Variants in DCLRE1A observed in about 807,000 individuals in gnomAD.
DCLRE1A encodes DNA cross-link repair 1A protein.
In DCLRE1A, 64 loss-of-function variants were observed where a neutral mutation model predicts 91.9. The ratio of observed to expected loss-of-function variants is 0.70; its 90% CI spans 0.57 to 0.86. DCLRE1A has a LOEUF of 0.86. DCLRE1A is among the 40% of genes least tolerant of loss of function. The probability of loss-of-function intolerance (pLI) is 0.00; values close to 1 mark genes in which losing one functional copy is unlikely to be tolerated. For missense variants in DCLRE1A, 1,145 were observed against 1,213.3 expected (o/e 0.94, Z 0.84); for synonymous variants, 416 against 431.1 (o/e 0.96, Z 0.43).
Position 113,849,015 on chromosome 10 carries a change from C to T in DCLRE1A, c.2090G>A (p.Arg697Lys), listed in dbSNP as rs1337260673. ...CTTATAGAATGGACATGTCTTTTTT[C>T]TTGATCCTCCTACATTAGATGACTC... is the stretch of plus-strand genomic sequence containing the variant. ...IPESSNVGGSRKKTCPFYKKI... is the reference protein window; with the variant it reads ...IPESSNVGGSKKKTCPFYKKI... Residue 697 changes from arginine to lysine, a missense_variant, in exon 2 of 9, where the codon AGA becomes AAA. Coordinates refer to ENST00000361384, the MANE Select transcript of DCLRE1A (RefSeq NM_014881.5). 1 of 1,610,428 alleles carries T rather than the reference C, an allele frequency of 6.2e-7. No individual in the cohort carries two copies. The highest frequency in any genetic ancestry group is 1.7e-5 in the Admixed American group (1 of 58,940).
Position 113,850,201 on chromosome 10 carries a change from G to A in DCLRE1A, c.904C>T (p.Pro302Ser). ...TGAGTGTCTTCATCACTTTGAAGTGGAGAATAGGAGATTTCACAGTCACTG... is the reference window on the plus strand; with the variant it reads ...TGAGTGTCTTCATCACTTTGAAGTGAAGAATAGGAGATTTCACAGTCACTG... ...DFSDCEISYS[P>S]LQSDEDTHDI... is the part of the protein sequence containing the mutation. The change falls in exon 2 of 9, where the codon CCA becomes TCA. Residue 302 changes from proline to serine, a missense_variant. Transcript: ENST00000361384. 6.2e-7 allele frequency: 1 copy of A among 1,614,140 alleles called. No homozygotes were observed. Among genetic ancestry groups the A allele is most frequent in the Non-Finnish European group, 8.5e-7 (1 of 1,180,020 alleles).
intron 4 of DCLRE1A, 61 bp downstream of exon 4, chr10:113,845,624 C>T: frequency 8.1e-7 from 1 of 1,230,484 alleles, no homozygotes; most frequent in Admixed American, 1.8e-5. Context: ...ATTAATCATG[C>T]CAATGTGTTG....
Position 113,852,914 on chromosome 10 carries a change from T to G in DCLRE1A, c.269A>C (p.Gln90Pro). 3 of 1,614,136 alleles carry G rather than the reference T, an allele frequency of 1.9e-6. No homozygotes were observed. Among genetic ancestry groups the G allele is most frequent in the Non-Finnish European group, 2.5e-6 (3 of 1,180,026 alleles). Residue 90 changes from glutamine to proline, a missense_variant, in exon 1 of 9, where the codon CAG becomes CCG. Coordinates refer to ENST00000361384, the MANE Select transcript of DCLRE1A (RefSeq NM_014881.5). ...TGGAGTAGTTTCCTTGTCTTGGGTC[T>G]GCTGAATACCATCTCCACAACTTGA... ...QNSSCGDGIQ[Q>P]TQDKETTPGK...
At chr10:113,841,686 C>T (rs1845448035) in intron 6 of DCLRE1A, 126 bp from the exon 7 acceptor site, 2 of 922,094 alleles carry the variant, frequency 2.2e-6, no homozygotes, top group Non-Finnish European at 1.6e-6. Context: ...ACACTTTTAC[C>T]ATGATATCTC....
At chr10:113,839,935 T>C (rs1845420137) in intron 7 of DCLRE1A, among the ~76,000 whole-genome samples, 1 of 152,110 alleles carries the variant, frequency 6.6e-6, no homozygotes, top group Non-Finnish European at 1.5e-5. Context: ...GACACTAGCC[T>C]CAAAAAATCA....
intron 8 of DCLRE1A, among the ~76,000 whole-genome samples, chr10:113,836,531 C>T (rs960212464): frequency 5.9e-5 from 9 of 151,868 alleles, no homozygotes; most frequent in African/African-American, 2.2e-4. Context: ...GATCAAGTAC[C>T]ACAGAGAAAG....
rs772891563 is a variant in DCLRE1A, at chr10:113,844,185, G to A, written c.2438C>T (p.Thr813Met). Residue 813 changes from threonine (T) to methionine (M), a missense_variant, in exon 5 of 9, where the codon ACG becomes ATG. Thr to Met is a moderately conservative substitution (Grantham distance 81). Transcript: ENST00000361384. ...YLPNGTVILH[T>M]GDFRADPSME... ...GCTGGGATCTGCTCTGAAGTCTCCC[G>A]TGTGTAATATGACAGTACCATTAGG... 25 of 1,614,038 alleles carry A rather than the reference G, an allele frequency of 1.5e-5. No homozygotes were observed. Among genetic ancestry groups the A allele is most frequent in the African/African-American group, 2.7e-5 (2 of 74,926 alleles).
In DCLRE1A at chr10:113,847,458, CTT is replaced by C. The variant is rs911805852; in HGVS notation, c.2126-125_2126-124del. The C allele has an allele frequency of 4.5e-6, 5 of 1,102,906 alleles. No homozygotes were observed. In the East Asian group the frequency reaches 1.1e-4, roughly 24 times the overall value. 68.3% of individuals were successfully genotyped at this position (1,102,906 alleles called of 1,614,324 possible). On this transcript the variant is annotated intron_variant, in intron 2 of 8. Transcript: ENST00000361384. ...TTTCCAATTTAACTATATTTAAAAA[CTT>C]ATATCACATAAATTTAACAAAAGGT...
Position 113,853,391 on chromosome 10 carries a change from T to C in DCLRE1A, c.-209A>G. Reference sequence around the variant, plus strand: ...GTACCTGACAACACCTGCTATTCCATTTATACCACAATGAAACTAAGATAA... The same window carrying C: ...GTACCTGACAACACCTGCTATTCCACTTATACCACAATGAAACTAAGATAA... On this transcript the variant is annotated 5_prime_UTR_variant, in exon 1 of 9. It removes an upstream start codon present in the reference 5' UTR. Coordinates refer to ENST00000361384, the MANE Select transcript of DCLRE1A (RefSeq NM_014881.5). 1 of 495,274 alleles carries C rather than the reference T, an allele frequency of 2.0e-6. No individual in the cohort carries two copies. Among genetic ancestry groups the C allele is most frequent in the Non-Finnish European group, 3.5e-6 (1 of 284,358 alleles). 30.7% of individuals were successfully genotyped at this position (495,274 alleles called of 1,614,324 possible).
intron 4 of DCLRE1A, among the ~76,000 whole-genome samples, chr10:113,845,359 T>C (rs1447875488): frequency 6.6e-6 from 1 of 152,192 alleles, no homozygotes; most frequent in African/African-American, 2.4e-5. Context: ...TGATAAATGA[T>C]ACTAAAGAAA....
rs1009125468 is a variant in DCLRE1A at position 113,849,814 on chromosome 10, C to T, written c.1291G>A (p.Asp431Asn). Residue 431 changes from aspartate to asparagine, a missense_variant, in exon 2 of 9, where the codon GAT (aspartate) becomes AAT (asparagine). Physicochemically the swap from Asp to Asn is conservative, Grantham distance 23. Coordinates refer to ENST00000361384, the MANE Select transcript of DCLRE1A (RefSeq NM_014881.5). ...SVHQATKAKP[D>N]EPEFHSAQSN... The stretch of plus-strand genomic sequence containing the variant: ...TGAGCTGAGTGAAATTCTGGCTCAT[C>T]AGGTTTTGCTTTAGTTGCCTGATGA... 5.0e-6 allele frequency: 8 copies of T among 1,614,160 alleles called. 1 individual carries two copies. The highest frequency in any genetic ancestry group is 3.3e-4 in the Middle Eastern group (2 of 6,062).
At chr10:113,836,316 T>C (rs553239567) in intron 8 of DCLRE1A, among the ~76,000 whole-genome samples, 1 of 152,250 alleles carries the variant, frequency 6.6e-6, no homozygotes, top group East Asian at 1.9e-4. Context: ...ATTAGGTTTT[T>C]CTTATTAAAC....
intron 7 of DCLRE1A, among the ~76,000 whole-genome samples, chr10:113,838,837 C>T (rs1198140747): frequency 2.0e-5 from 3 of 152,156 alleles, no homozygotes; most frequent in Non-Finnish European, 4.4e-5. Context: ...GGATGTTGAA[C>T]TAGATAGCAT....
At chr10:113,841,696 C>T (rs1845448577) in intron 6 of DCLRE1A, 136 bp from the exon 7 acceptor site, 2 of 838,146 alleles carry the variant, frequency 2.4e-6, no homozygotes, top group Non-Finnish European at 3.6e-6. Flanking sequence ...CATGATATCT[C>T]AAAAAGGCTG....
chr10:113,838,047 CAAAT>C (rs1225626407), intron 7 of DCLRE1A, among the ~76,000 whole-genome samples: 1 of 151,972 alleles, frequency 6.6e-6, no homozygotes, highest in Non-Finnish European at 1.5e-5. Flanking sequence ...TCTTTTGTAT[CAAAT>C]AAGAGCCTTT....
chr10:113,848,941 G>A (rs775687809), intron 2 of DCLRE1A, 39 bp downstream of exon 2: 13 of 1,558,252 alleles, frequency 8.3e-6, no homozygotes, highest in East Asian at 4.5e-5. Context: ...CAAAAACGTT[G>A]TCTTTGTTGA....
At position 113,849,300 on chromosome 10, in the gene DCLRE1A, T is replaced by G. The variant is rs1412309369; in HGVS notation, c.1805A>C (p.Lys602Thr). ...TAAATCACTTAAAGATTTTTCTGCT[T>G]TCCTCTTGCACTGCGAGGACCTCTT... ...NQKRSSQCKR[K>T]AEKSLSDLEF... is the part of the protein sequence containing the mutation. The change falls in exon 2 of 9, where the codon AAA (lysine) becomes ACA (threonine). Residue 602 changes from lysine to threonine, a missense_variant. Lys to Thr is a moderately conservative substitution (Grantham distance 78). Transcript: ENST00000361384. 1 of 1,614,086 alleles carries G rather than the reference T, an allele frequency of 6.2e-7. No homozygotes were observed. Among genetic ancestry groups the G allele is most frequent in the Non-Finnish European group, 8.5e-7 (1 of 1,180,038 alleles).
intron 5 of DCLRE1A, 35 bp from the exon 6 acceptor site, chr10:113,842,523 C>CAA: frequency 6.3e-7 from 1 of 1,592,500 alleles, no homozygotes; most frequent in South Asian, 1.1e-5. Context: ...ACTAAAAGAA[C>CAA]AATAAAAAAG....
At chr10:113,848,939 T>C (rs1845587761) in intron 2 of DCLRE1A, 41 bp downstream of exon 2, 2 of 1,553,346 alleles carry the variant, frequency 1.3e-6, no homozygotes, top group Non-Finnish European at 1.7e-6. Context: ...TTCAAAAACG[T>C]TGTCTTTGTT....
Sources: allele counts gnomAD v4.1 joint callset (sites outside exome capture counted in the v4.1 genomes callset), GRCh38; gene constraint gnomAD v4.1.1; transcripts MANE v1.5; gene names NCBI Gene and HGNC (gene_info 2026-07-23, HGNC 2026-07-21).